Variants in HLF observed in about 807,000 individuals in gnomAD.
The protein encoded by HLF is HLF transcription factor, PAR bZIP family member.
Under a neutral mutation model 22.6 loss-of-function variants are expected in HLF, and 3 were observed. That is an observed-to-expected ratio of 0.13 (90% CI 0.06 to 0.34). HLF has a LOEUF of 0.34. Among genes scored for constraint, HLF ranks in the 10% least tolerant of loss-of-function variants. The probability of loss-of-function intolerance (pLI) is 1.00; values close to 1 mark genes in which losing one functional copy is unlikely to be tolerated. For missense variants in HLF, 299 were observed against 389.2 expected (o/e 0.77, Z 1.95); for synonymous variants, 151 against 151.8 (o/e 0.99, Z 0.04).
intron 2 of HLF, among the ~76,000 whole-genome samples, chr17:55,297,745 T>C (rs1226897614): frequency 4.5e-5 from 6 of 134,268 alleles, no homozygotes; most frequent in Non-Finnish European, 9.6e-5. Flanking sequence ...TTTCTTTTTT[T>C]TTTTTTTTTT....
intron 2 of HLF, among the ~76,000 whole-genome samples, chr17:55,268,735 A>C (rs1356352888): frequency 6.8e-6 from 1 of 146,946 alleles, no homozygotes; most frequent in African/African-American, 2.5e-5. Flanking sequence ...AACTGTTCTT[A>C]TCTTTTTTTT....
intron 2 of HLF, among the ~76,000 whole-genome samples, chr17:55,276,656 T>A (rs1598390171): frequency 7.2e-6 from 1 of 139,284 alleles, no homozygotes; most frequent in Non-Finnish European, 1.6e-5. Flanking sequence ...ATTTGGCTGG[T>A]GCAGAAAATT....
At chr17:55,293,820 A>G (rs917276077) in intron 2 of HLF, among the ~76,000 whole-genome samples, 5 of 152,194 alleles carry the variant, frequency 3.3e-5, no homozygotes, top group Non-Finnish European at 5.9e-5. Context: ...GTCTAAAATC[A>G]TCAGAACACC....
intron 2 of HLF, among the ~76,000 whole-genome samples, chr17:55,286,643 A>C (rs149327397): frequency 7.9e-4 from 120 of 152,380 alleles, no homozygotes; most frequent in African/African-American, 2.8e-3. Flanking sequence ...TCAATGAAAT[A>C]GACCCCTCTC....
At chr17:55,270,033 G>A (rs1254301668) in intron 2 of HLF, among the ~76,000 whole-genome samples, 2 of 152,198 alleles carry the variant, frequency 1.3e-5, no homozygotes, top group Non-Finnish European at 1.5e-5. Context: ...TTTGGGATTT[G>A]AAGCAGCTTG....
intron 2 of HLF, among the ~76,000 whole-genome samples, chr17:55,313,803 ATC>A (rs1247451741): frequency 6.6e-6 from 1 of 152,046 alleles, no homozygotes; most frequent in Non-Finnish European, 1.5e-5. Flanking sequence ...CTCAGGGCCC[ATC>A]TCTTCCTCTT....
At chr17:55,272,143 A>C (rs918941158) in intron 2 of HLF, 1 of 152,272 alleles carries the variant, frequency 6.6e-6, no homozygotes, top group East Asian at 1.9e-4. Context: ...AGCAGAGATG[A>C]CAGGAGTCAT....
chr17:55,290,733 C>T (rs2081053962), intron 2 of HLF, among the ~76,000 whole-genome samples: 1 of 152,096 alleles, frequency 6.6e-6, no homozygotes. Context: ...AAGTCAAAAG[C>T]TAGAAATGAG....
At chr17:55,306,191 A>C (rs1904539430) in intron 2 of HLF, among the ~76,000 whole-genome samples, 1 of 152,132 alleles carries the variant, frequency 6.6e-6, no homozygotes, top group Non-Finnish European at 1.5e-5. Flanking sequence ...ACTACACTGC[A>C]GCCTGGAGAC....
At chr17:55,283,438 G>T (rs11079157) in intron 2 of HLF, 30,279 of 152,272 alleles carry the variant, frequency 0.2, 3,090 homozygotes, top group Non-Finnish European at 0.22. Context: ...CCTGGTGTTT[G>T]CTGTCCTGCC....
At chr17:55,290,978 A>G (rs557792124) in intron 2 of HLF, among the ~76,000 whole-genome samples, 1 of 152,338 alleles carries the variant, frequency 6.6e-6, no homozygotes. Context: ...CCTTAAGCCA[A>G]AGCCTAATCC....
intron 2 of HLF, among the ~76,000 whole-genome samples, chr17:55,280,915 C>T (rs953432836): frequency 2.0e-5 from 3 of 152,160 alleles, no homozygotes; most frequent in Admixed American, 6.5e-5. Context: ...TGTCTAAAAA[C>T]GGTTTTTACA....
chr17:55,270,819 T>C (rs1317807494), intron 2 of HLF, among the ~76,000 whole-genome samples: 1 of 152,036 alleles, frequency 6.6e-6, no homozygotes, highest in African/African-American at 2.4e-5. Flanking sequence ...AATTTTTGTA[T>C]TTTTAGTAGA....
rs2145284453 is a variant in HLF, at chr17:55,265,047, C to T, written c.-438C>T. 6.6e-6 allele frequency: 1 copy of T among 151,226 alleles called. No individual in the cohort carries two copies. Among genetic ancestry groups the T allele is most frequent in the African/African-American group, 3.2e-5 (1 of 30,776 alleles). 9.4% of individuals were successfully genotyped at this position (151,226 alleles called of 1,614,324 possible). A position where few individuals can be genotyped will look rare whatever the true frequency, so the allele number is the denominator to read the frequency against. On this transcript the variant is annotated 5_prime_UTR_variant, in exon 1 of 4. Transcript: ENST00000226067. ...CGGAGCGCTGGGGAGCAGCGGCCGC[C>T]GGCGCGGGGAGGGGGGTGGGGTGGG...
chr17:55,289,725 A>G (rs982553885), intron 2 of HLF, among the ~76,000 whole-genome samples: 1 of 152,184 alleles, frequency 6.6e-6, no homozygotes, highest in African/African-American at 2.4e-5. Flanking sequence ...ATTTACCTAT[A>G]TATTCATATG....
chr17:55,310,393 G>A (rs1199876299), intron 2 of HLF, among the ~76,000 whole-genome samples: 1 of 152,030 alleles, frequency 6.6e-6, no homozygotes, highest in Non-Finnish European at 1.5e-5. Flanking sequence ...AATATCAAAA[G>A]GCATTTAAGA....
intron 2 of HLF, chr17:55,289,047 T>A (rs771696849): frequency 3.4e-5 from 15 of 445,020 alleles, no homozygotes; most frequent in Non-Finnish European, 4.2e-5. Context: ...TAAATTTTTT[T>A]AAAAAAACAT....
At chr17:55,302,022 A>G (rs2081161347) in intron 2 of HLF, among the ~76,000 whole-genome samples, 1 of 152,244 alleles carries the variant, frequency 6.6e-6, no homozygotes, top group African/African-American at 2.4e-5. Flanking sequence ...CAAGGTTCCC[A>G]TAACTGATGG....
intron 2 of HLF, among the ~76,000 whole-genome samples, chr17:55,291,207 C>T (rs1222123633): frequency 2.0e-5 from 3 of 152,200 alleles, no homozygotes; most frequent in African/African-American, 7.2e-5. Flanking sequence ...GGTGGCTATA[C>T]TAAACAACAG....
Sources: gnomAD v4.1 joint callset for allele counts (sites outside exome capture counted in the v4.1 genomes callset) on GRCh38, gnomAD v4.1.1 for gene constraint, MANE v1.5 for transcripts, NCBI Gene and HGNC (gene_info 2026-07-23, HGNC 2026-07-21) for gene names.